Variants in ECHS1 observed in about 807,000 individuals in gnomAD.
ECHS1 encodes enoyl-CoA hydratase, short chain 1, also known as enoyl-CoA hydratase, mitochondrial.
Under a neutral mutation model 33.5 loss-of-function variants are expected in ECHS1, and 19 were observed. That is an observed-to-expected ratio of 0.57 (90% CI 0.40 to 0.83). The LOEUF is 0.83. Among genes scored for constraint, ECHS1 ranks in the 40% least tolerant of loss-of-function variants. The pLI is 0.00. For missense variants in ECHS1, 365 were observed against 381.3 expected, an observed-to-expected ratio of 0.96 and a Z score of 0.36; for synonymous variants, 158 against 146.6, an observed-to-expected ratio of 1.08 and a Z score of -0.56.
intron 2 of ECHS1, 94 bp downstream of exon 2, chr10:133,370,466 T>A: frequency 7.5e-7 from 1 of 1,329,818 alleles, no homozygotes; most frequent in Non-Finnish European, 9.9e-7. Context: ...GCCTCTGCCA[T>A]CACAGAGGCG....
In ECHS1 at chr10:133,365,964, C is replaced by A; in HGVS notation, c.739+12G>T. On this transcript the variant is annotated intron_variant, in intron 6 of 7. Coordinates refer to ENST00000368547, the MANE Select transcript of ECHS1 (RefSeq NM_004092.4). ...GGAGACCTCTCCAGTGTCTTCCTGG[C>A]AGATCCCCTACCTGCATTCACTGAT... is the stretch of plus-strand genomic sequence containing the variant. The A allele has an allele frequency of 6.2e-7, 1 of 1,613,446 alleles. No homozygotes were observed. Among genetic ancestry groups the A allele is most frequent in the African/African-American group, 1.3e-5 (1 of 75,066 alleles).
rs1364477803 is a variant in ECHS1 at position 133,366,980 on chromosome 10, G to A, written c.528C>T (p.Thr176=). Residue 176 remains threonine (T), a synonymous_variant, in exon 5 of 8, where the codon ACC becomes ACT. Transcript: ENST00000368547. ...TCCCAACAGCACGGGTGAGTCTCTG[G>A]GTGCCGCCCGCACCTGCAGGGAGGG... ...LIGTIPGAGG[T]QRLTRAVGKS... 34 of 1,611,324 alleles carry A rather than the reference G, an allele frequency of 2.1e-5. No individual in the cohort carries two copies. Among genetic ancestry groups the A allele is most frequent in the Non-Finnish European group, 2.7e-5 (32 of 1,179,740 alleles).
chr10:133,372,309 C>T (rs1849118820), intron 1 of ECHS1, among the ~76,000 whole-genome samples: 1 of 152,212 alleles, frequency 6.6e-6, no homozygotes, highest in South Asian at 2.1e-4. Context: ...CAAGGCATGG[C>T]CCAAGATTCC....
At chr10:133,364,832 G>A (rs1453139295) in intron 6 of ECHS1, 107 bp from the exon 7 acceptor site, 10 of 866,822 alleles carry the variant, frequency 1.2e-5, no homozygotes, top group South Asian at 2.9e-5. Context: ...CTGTGCTTTC[G>A]ACGTGGCCCA....
At chr10:133,365,598 C>G (rs1849017145) in intron 6 of ECHS1, among the ~76,000 whole-genome samples, 1 of 152,254 alleles carries the variant, frequency 6.6e-6, no homozygotes. Flanking sequence ...AGCCACCTGC[C>G]AGGCGCACAC....
At chr10:133,364,362 G>A (rs1238601875) in intron 7 of ECHS1, among the ~76,000 whole-genome samples, 1 of 152,096 alleles carries the variant, frequency 6.6e-6, no homozygotes, top group Non-Finnish European at 1.5e-5. Flanking sequence ...ACACCCACCC[G>A]GCTGAAACTG....
In ECHS1 at chr10:133,366,888, C is replaced by T. The variant is rs1163921586; in HGVS notation, c.619+1G>A. 1.2e-6 allele frequency: 2 copies of T among 1,610,030 alleles called. No homozygotes were observed. The highest frequency in any genetic ancestry group is 1.3e-5 in the African/African-American group (1 of 75,040). On this transcript the variant is annotated splice_donor_variant, in intron 5 of 7. Transcript: ENST00000368547. LOFTEE classifies it high-confidence loss of function. ...CTCTTGCGGGCAGCCCCAACCCATA[C>T]CTGCTTGCTTGGCGTCCTGGGCTGA...
intron 4 of ECHS1, among the ~76,000 whole-genome samples, 181 bp downstream of exon 4, chr10:133,368,742 C>G (rs546370408): frequency 7.2e-5 from 11 of 152,228 alleles, no homozygotes; most frequent in South Asian, 2.1e-4. Flanking sequence ...ACTCTAAGGC[C>G]CCCCCCAAGC....
Position 133,373,272 on chromosome 10 carries a change from C to G in ECHS1, c.62G>C (p.Cys21Ser), listed in dbSNP as rs1436440154. Residue 21 changes from cysteine (C) to serine (S), a missense_variant, in exon 1 of 8, where the codon TGT becomes TCT. Transcript: ENST00000368547. ...VRGPLRPPVR[C>S]PAWRPFASGA... The stretch of plus-strand genomic sequence containing the variant: ...CGAGGCGAAGGGACGCCAGGCGGGA[C>G]AGCGAACCGGGGGCCTCAGCGGGCC... 1 of 1,462,894 alleles carries G rather than the reference C, an allele frequency of 6.8e-7. No individual in the cohort carries two copies. Among genetic ancestry groups the G allele is most frequent in the Non-Finnish European group, 9.0e-7 (1 of 1,113,772 alleles). 90.6% of individuals were successfully genotyped at this position (1,462,894 alleles called of 1,614,324 possible). A position where few individuals can be genotyped will look rare whatever the true frequency, so the allele number is the denominator to read the frequency against.
At chr10:133,369,666 C>T (rs112326987) in intron 3 of ECHS1, among the ~76,000 whole-genome samples, 12 of 152,170 alleles carry the variant, frequency 7.9e-5, no homozygotes, top group African/African-American at 2.7e-4. Flanking sequence ...CTCTCTTCCC[C>T]CACCCTGGAA....
chr10:133,371,719 C>T (rs574663942), intron 1 of ECHS1: 1 of 154,704 alleles, frequency 6.5e-6, no homozygotes, highest in East Asian at 1.9e-4. Flanking sequence ...AGAAGGTGAA[C>T]CTGAAAAGAC....
Position 133,370,568 on chromosome 10 carries a change from G to A in ECHS1, c.278C>T (p.Ala93Val), listed in dbSNP as rs765217666. 1 of 1,587,580 alleles carries A rather than the reference G, an allele frequency of 6.3e-7. No individual in the cohort carries two copies. The highest frequency in any genetic ancestry group is 2.3e-5 in the East Asian group (1 of 44,354). ...TCTGCTGCCGCGCGTACCTGCAAAG[G>A]CCTTATCCCCGCCGGTGAGGACAAT... ...GAIVLTGGDK[A>V]FAAGADIKEM... Residue 93 changes from alanine to valine, a missense_variant, in exon 2 of 8, where the codon GCC becomes GTC. By Grantham distance (64) the Ala-to-Val change is moderately conservative. Coordinates refer to ENST00000368547, the MANE Select transcript of ECHS1 (RefSeq NM_004092.4).
intron 4 of ECHS1, among the ~76,000 whole-genome samples, chr10:133,367,796 A>C (rs1206980840): frequency 6.6e-6 from 1 of 151,730 alleles, no homozygotes; most frequent in East Asian, 1.9e-4. Context: ...AAAGTCTTAA[A>C]GTCTTTGATC....
At chr10:133,364,871 C>T in intron 6 of ECHS1, 146 bp from the exon 7 acceptor site, 2 of 646,670 alleles carry the variant, frequency 3.1e-6, no homozygotes, top group East Asian at 2.7e-5. Flanking sequence ...TGGTGCCGCC[C>T]TTCTCAAAGG....
At chr10:133,369,173 ATAAGT>A (rs1208811201) in intron 3 of ECHS1, 151 bp from the exon 4 acceptor site, 113 of 674,292 alleles carry the variant, frequency 1.7e-4, no homozygotes, top group Admixed American at 2.1e-4. Flanking sequence ...AATTGTTATG[ATAAGT>A]TAACTACAGA....
At chr10:133,366,230 C>T (rs559552826) in intron 5 of ECHS1, 135 bp from the exon 6 acceptor site, 111 of 992,944 alleles carry the variant, frequency 1.1e-4, no homozygotes, top group Admixed American at 3.5e-4. Context: ...GGCTTCCACA[C>T]GGGAAGTGCC....
At chr10:133,370,218 G>A (rs910275455) in intron 2 of ECHS1, among the ~76,000 whole-genome samples, 187 bp from the exon 3 acceptor site, 13 of 152,246 alleles carry the variant, frequency 8.5e-5, no homozygotes, top group Admixed American at 2.0e-4. Flanking sequence ...CAGAAGTCAC[G>A]CAGAGGGGCC....
intron 1 of ECHS1, among the ~76,000 whole-genome samples, chr10:133,371,921 C>T (rs1416799300): frequency 2.0e-5 from 3 of 152,126 alleles, no homozygotes; most frequent in Admixed American, 6.5e-5. Flanking sequence ...CTCAGCCTCC[C>T]GAGTAGCTGG....
At chr10:133,363,024 C>G (rs1442820320) in intron 7 of ECHS1, 91 bp from the exon 8 acceptor site, 3 of 1,446,064 alleles carry the variant, frequency 2.1e-6, no homozygotes, top group Non-Finnish European at 2.9e-6. Flanking sequence ...CTGGCTCTGC[C>G]TCACTCATGC....
Sources: allele counts gnomAD v4.1 joint callset (sites outside exome capture counted in the v4.1 genomes callset), GRCh38; gene constraint gnomAD v4.1.1; transcripts MANE v1.5; gene names NCBI Gene and HGNC (gene_info 2026-07-23, HGNC 2026-07-21).